The following SLMAP variants were observed in gnomAD, a reference collection of about 807,000 sequenced individuals.
SLMAP encodes the protein sarcolemmal membrane-associated protein.
A neutral mutation model predicts 128.8 loss-of-function variants in SLMAP; 44 were observed. That is an observed-to-expected ratio of 0.34 (90% CI 0.27 to 0.44). SLMAP has a LOEUF of 0.44. Among genes scored for constraint, SLMAP ranks in the 20% least tolerant of loss-of-function variants. SLMAP has a pLI of 1.00. For missense variants in SLMAP, 787 were observed against 985.3 expected (o/e 0.80, Z 2.69); for synonymous variants, 327 against 348.8 (o/e 0.94, Z 0.70).
intron 14 of SLMAP, among the ~76,000 whole-genome samples, chr3:57,872,050 AG>A (rs2095491483): frequency 6.6e-6 from 1 of 152,232 alleles, no homozygotes; most frequent in Non-Finnish European, 1.5e-5. Context: ...TCAGAGTAGC[AG>A]GAGCTTTTTA....
Position 57,831,397 on chromosome 3 carries a change from C to T in SLMAP, c.213C>T (p.Asp71=), listed in dbSNP as rs751324451. 6.5e-7 allele frequency: 1 copy of T among 1,537,698 alleles called. No homozygotes were observed. Among genetic ancestry groups the T allele is most frequent in the South Asian group, 1.2e-5 (1 of 80,052 alleles). The change falls in exon 3 of 25, where the codon GAC becomes GAT. Residue 71 remains aspartate, a synonymous_variant. Transcript: ENST00000671191. ...TTTTTTTGCAGTTTTATCTTCAAGA[C>T]ACTAAAAGTAGTAATGGTACTTTTA... ...DHKTGKFYLQ[D]TKSSNGTFIN...
chr3:57,884,391 G>A (rs1327274649), intron 14 of SLMAP, among the ~76,000 whole-genome samples: 2 of 152,142 alleles, frequency 1.3e-5, no homozygotes, highest in Admixed American at 1.3e-4. Flanking sequence ...GGAAAAGTGG[G>A]AGAGTTAAAT....
chr3:57,816,489 A>T (rs1487738476), intron 2 of SLMAP, among the ~76,000 whole-genome samples: 1 of 152,206 alleles, frequency 6.6e-6, no homozygotes, highest in African/African-American at 2.4e-5. Context: ...AGCATCCATT[A>T]TTTGGATGTA....
chr3:57,920,975 C>T (rs918732644), intron 22 of SLMAP, among the ~76,000 whole-genome samples: 2 of 151,920 alleles, frequency 1.3e-5, no homozygotes, highest in Non-Finnish European at 2.9e-5. Context: ...CAAGATCACG[C>T]CACTGCACTC....
intron 8 of SLMAP, among the ~76,000 whole-genome samples, chr3:57,860,327 G>GT (rs1577875431): frequency 1.3e-5 from 2 of 152,160 alleles, no homozygotes; most frequent in East Asian, 3.9e-4. Flanking sequence ...TATTCCTTTT[G>GT]TTTTAACCAT....
At chr3:57,886,116 T>G (rs2095879889) in intron 14 of SLMAP, among the ~76,000 whole-genome samples, 1 of 148,104 alleles carries the variant, frequency 6.8e-6, no homozygotes, top group Non-Finnish European at 1.5e-5. Flanking sequence ...ATTTTTTTTT[T>G]TTTTTGAGAT....
At chr3:57,862,208 C>G (rs2095103452) in intron 10 of SLMAP, 122 bp downstream of exon 10, 2 of 718,128 alleles carry the variant, frequency 2.8e-6, no homozygotes, top group South Asian at 3.6e-5. Context: ...ATCCCAGCTT[C>G]TCAGGAGGCT....
In SLMAP at chr3:57,757,028, G is replaced by A. The variant is rs1279393779; in HGVS notation, c.-624G>A. ...GCCGGGGACCGCGTCCCCCTTCCCG[G>A]GGCGGCCTCCGCTCAGCAGGGGCGA... On this transcript the variant is annotated 5_prime_UTR_variant, in exon 2 of 25. Transcript: ENST00000671191. The A allele has an allele frequency of 6.5e-6, 1 of 153,252 alleles. No individual in the cohort carries two copies. The highest frequency in any genetic ancestry group is 2.4e-5 in the African/African-American group (1 of 41,458). The allele number at this position is 153,252 out of a possible 1,614,324, so 9.5% of individuals were successfully genotyped here. A position where few individuals can be genotyped will look rare whatever the true frequency, so the allele number is the denominator to read the frequency against.
intron 10 of SLMAP, among the ~76,000 whole-genome samples, chr3:57,863,224 C>G (rs2095170900): frequency 6.6e-6 from 1 of 151,958 alleles, no homozygotes. Context: ...AAGGACAGAT[C>G]AGATCATAGG....
intron 2 of SLMAP, among the ~76,000 whole-genome samples, chr3:57,776,100 C>T (rs1559942269): frequency 6.6e-6 from 1 of 152,214 alleles, no homozygotes; most frequent in Non-Finnish European, 1.5e-5. Context: ...TGACTATGTG[C>T]TACTTTGATA....
At chr3:57,808,828 CGTT>C (rs1344710684) in intron 2 of SLMAP, among the ~76,000 whole-genome samples, 3 of 152,156 alleles carry the variant, frequency 2.0e-5, no homozygotes, top group African/African-American at 7.2e-5. Context: ...TTTTCTGTCT[CGTT>C]GATCTAATAT....
intron 22 of SLMAP, among the ~76,000 whole-genome samples, chr3:57,920,622 A>G (rs911675252): frequency 2.0e-5 from 3 of 152,174 alleles, no homozygotes; most frequent in African/African-American, 7.2e-5. Flanking sequence ...CTCATAAGCT[A>G]CATTTAGGGA....
Position 57,928,003 on chromosome 3 carries a change from G to A in SLMAP, c.*714G>A, listed in dbSNP as rs970171262. The A allele has an allele frequency of 2.0e-5, 3 of 152,410 alleles. No homozygotes were observed. The highest frequency in any genetic ancestry group is 7.2e-5 in the African/African-American group (3 of 41,380). 9.4% of individuals were successfully genotyped at this position (152,410 alleles called of 1,614,324 possible). ...TAAACTGTTATGGTGATAATTTGGGGAATATGTGCACGCTTGTTCAGCCTT... is the reference window on the plus strand; with the variant it reads ...TAAACTGTTATGGTGATAATTTGGGAAATATGTGCACGCTTGTTCAGCCTT... On this transcript the variant is annotated 3_prime_UTR_variant, in exon 25 of 25. Transcript: ENST00000671191.
chr3:57,923,044 C>T, intron 23 of SLMAP, 21 bp downstream of exon 23: 1 of 1,610,512 alleles, frequency 6.2e-7, no homozygotes, highest in Non-Finnish European at 8.5e-7. Context: ...GCAAACTTGG[C>T]TTAGCTTTGA....
chr3:57,861,366 T>C (rs2153599932), intron 9 of SLMAP, among the ~76,000 whole-genome samples: 1 of 152,306 alleles, frequency 6.6e-6, no homozygotes, highest in African/African-American at 2.4e-5. Flanking sequence ...TAATTCATAA[T>C]ATAGATCTTT....
intron 14 of SLMAP, among the ~76,000 whole-genome samples, chr3:57,876,810 A>G (rs2095614984): frequency 6.6e-6 from 1 of 152,258 alleles, no homozygotes; most frequent in Non-Finnish European, 1.5e-5. Flanking sequence ...GAGAACTGCC[A>G]TCACTTGGTG....
Position 57,861,952 on chromosome 3 carries a change from A to G in SLMAP, c.832A>G (p.Ser278Gly), listed in dbSNP as rs969770774. The change falls in exon 10 of 25, where the codon AGT becomes GGT. Residue 278 changes from serine (S) to glycine (G), a missense_variant. By Grantham distance (56) the Ser-to-Gly change is moderately conservative. Around this residue, in one of 2 missense-constraint regions of SLMAP, gnomAD observed 715 missense variants for 843.6 expected, o/e 0.85. Coordinates refer to ENST00000671191, the MANE Select transcript of SLMAP (RefSeq NM_001377540.1). Reference sequence around the variant, plus strand: ...TGCCTGTAAACTTGAATCGCAGCGAAGTCTGAGTAATACTGAAGATGAATG... The same window carrying G: ...TGCCTGTAAACTTGAATCGCAGCGAGGTCTGAGTAATACTGAAGATGAATG... ...VVRKLSEVER[S>G]LSNTEDECTH... 6 of 1,611,420 alleles carry G rather than the reference A, an allele frequency of 3.7e-6. No individual in the cohort carries two copies. The highest frequency in any genetic ancestry group is 5.1e-6 in the Non-Finnish European group (6 of 1,178,148).
At chr3:57,909,682 A>C (rs1247180499) in intron 19 of SLMAP, among the ~76,000 whole-genome samples, 1 of 150,998 alleles carries the variant, frequency 6.6e-6, no homozygotes, top group Non-Finnish European at 1.5e-5. Context: ...GCGCGGTCTC[A>C]CCTTACTGCA....
At chr3:57,802,501 C>T (rs546191070) in intron 2 of SLMAP, among the ~76,000 whole-genome samples, 14 of 152,222 alleles carry the variant, frequency 9.2e-5, no homozygotes, top group African/African-American at 2.2e-4. Flanking sequence ...AGGCTGGTCT[C>T]GAGCTCCTGA....
Sources: gnomAD v4.1 joint callset for allele counts (sites outside exome capture counted in the v4.1 genomes callset) on GRCh38, gnomAD v4.1.1 for gene constraint, gnomAD v4.1.1 regional missense constraint, MANE v1.5 for transcripts, NCBI Gene and HGNC (gene_info 2026-07-23, HGNC 2026-07-21) for gene names.